The following NIPAL3 variants were observed in gnomAD, a reference collection of about 807,000 sequenced individuals.
The protein encoded by NIPAL3 is NIPA like domain containing 3.
NIPAL3 carries 41 observed loss-of-function variants against 47.2 expected under a neutral mutation model. That is an observed-to-expected ratio of 0.87 (90% CI 0.68 to 1.13). The LOEUF (loss-of-function observed/expected upper bound fraction) is 1.13. Ranked by LOEUF, NIPAL3 falls within the 50% of genes most tolerant of loss-of-function variation. NIPAL3 has a pLI of 0.00. For synonymous variants in NIPAL3, 194 were observed against 209.6 expected, an observed-to-expected ratio of 0.93 and a Z score of 0.64; for missense variants, 449 against 530.1, an observed-to-expected ratio of 0.85 and a Z score of 1.50.
chr1:24,459,985 C>T (rs1646395629), intron 9 of NIPAL3, among the ~76,000 whole-genome samples: 1 of 152,196 alleles, frequency 6.6e-6, no homozygotes, highest in Admixed American at 6.5e-5. Context: ...GGAGTAGACC[C>T]ACAGACTTGG....
intron 5 of NIPAL3, 82 bp downstream of exon 5, chr1:24,445,326 G>A (rs1052492424): frequency 2.1e-6 from 2 of 954,852 alleles, no homozygotes; most frequent in Non-Finnish European, 3.4e-6. Flanking sequence ...CTCTAATTCA[G>A]AGGTTATCTG....
intron 7 of NIPAL3, among the ~76,000 whole-genome samples, chr1:24,455,293 C>T (rs1399483202): frequency 6.6e-6 from 1 of 152,146 alleles, no homozygotes; most frequent in Non-Finnish European, 1.5e-5. Flanking sequence ...GCAAGGGTCT[C>T]CACAGGGAGG....
At chr1:24,428,897 G>A (rs866083366) in intron 2 of NIPAL3, among the ~76,000 whole-genome samples, 1 of 152,110 alleles carries the variant, frequency 6.6e-6, no homozygotes, top group Non-Finnish European at 1.5e-5. Context: ...TGTCTCTGTG[G>A]CCACAGTGGC....
Position 24,416,177 on chromosome 1 carries a change from C to T in NIPAL3, c.-258+273C>T. The T allele has an allele frequency of 1.0e-6, 1 of 985,684 alleles. No homozygotes were observed. Among genetic ancestry groups the T allele is most frequent in the Non-Finnish European group, 1.2e-6 (1 of 830,126 alleles). 61.1% of individuals were successfully genotyped at this position (985,684 alleles called of 1,614,324 possible). On this transcript the variant is annotated intron_variant, in intron 1 of 11. Coordinates refer to ENST00000374399, the MANE Select transcript of NIPAL3 (RefSeq NM_020448.5). The surrounding 1 kb of genome is among the most constrained non-coding windows in gnomAD (Gnocchi z 4.8). ...GGAGTTAACTTTGCCAGAATTTCTCCTCTTCGTGCCGAGCGGCTCGGGCTT... is the reference window on the plus strand; with the variant it reads ...GGAGTTAACTTTGCCAGAATTTCTCTTCTTCGTGCCGAGCGGCTCGGGCTT...
chr1:24,445,979 A>G (rs1003414761), intron 5 of NIPAL3, among the ~76,000 whole-genome samples: 1 of 152,138 alleles, frequency 6.6e-6, no homozygotes, highest in Admixed American at 6.5e-5. Context: ...AGCGTTTCCC[A>G]CAAAACACCT....
At chr1:24,428,263 AGAGAGAGAG>A (rs1317272454) in intron 2 of NIPAL3, among the ~76,000 whole-genome samples, 1 of 55,726 alleles carries the variant, frequency 1.8e-5, no homozygotes, top group East Asian at 4.4e-4. Context: ...AAAGAAAGAG[AGAGAGAGAG>A]AGAGAGAGAG....
intron 2 of NIPAL3, among the ~76,000 whole-genome samples, chr1:24,433,837 G>A (rs1007591402): frequency 6.6e-6 from 1 of 152,052 alleles, no homozygotes; most frequent in Non-Finnish European, 1.5e-5. Flanking sequence ...AACTATATAG[G>A]AGCAAAGTTT....
chr1:24,445,159 C>T (rs959794007), intron 4 of NIPAL3, 26 bp from the exon 5 acceptor site: 3 of 1,580,824 alleles, frequency 1.9e-6, no homozygotes, highest in Non-Finnish European at 2.6e-6. Context: ...GCCTCAATTC[C>T]CTTTTCTTTG....
At chr1:24,467,322 T>G (rs1197821171) in intron 11 of NIPAL3, among the ~76,000 whole-genome samples, 1 of 148,324 alleles carries the variant, frequency 6.7e-6, no homozygotes, top group African/African-American at 2.5e-5. Flanking sequence ...AAAAAAAAAT[T>G]AGCTGTGCGT....
chr1:24,419,654 T>G lies in NIPAL3; in HGVS notation c.93+14T>G, dbSNP rs779010032. 6.2e-6 allele frequency: 10 copies of G among 1,610,996 alleles called. No individual in the cohort carries two copies. Among genetic ancestry groups the G allele is most frequent in the Non-Finnish European group, 8.5e-6 (10 of 1,177,972 alleles). On this transcript the variant is annotated intron_variant, in intron 2 of 11. Transcript: ENST00000374399. ...TTCTCCTACAAGGCAAGGGCTTTTTTGGGGTTTGGGAATTTGTATTTTCCT... is the reference window on the plus strand; with the variant it reads ...TTCTCCTACAAGGCAAGGGCTTTTTGGGGGTTTGGGAATTTGTATTTTCCT...
chr1:24,441,216 G>C (rs1305345098), intron 3 of NIPAL3, among the ~76,000 whole-genome samples: 1 of 152,144 alleles, frequency 6.6e-6, no homozygotes, highest in East Asian at 1.9e-4. Context: ...GATCCCTGTG[G>C]GCACACACTT....
At chr1:24,426,381 AC>A (rs1470916943) in intron 2 of NIPAL3, among the ~76,000 whole-genome samples, 18 of 150,526 alleles carry the variant, frequency 1.2e-4, no homozygotes, top group Middle Eastern at 6.9e-3. Flanking sequence ...TGCAACCTCT[AC>A]CTTCTGGGAT....
intron 8 of NIPAL3, 54 bp downstream of exon 8, chr1:24,456,327 T>C (rs1646201611): frequency 4.3e-6 from 7 of 1,611,558 alleles, no homozygotes; most frequent in South Asian, 1.1e-5. Context: ...TGCTTCTCTT[T>C]TGGGGGCCTG....
chr1:24,438,136 G>A (rs1422705807), intron 2 of NIPAL3, among the ~76,000 whole-genome samples: 2 of 152,194 alleles, frequency 1.3e-5, no homozygotes, highest in African/African-American at 2.4e-5. Flanking sequence ...TGGGAACTCA[G>A]CTGGGGAAAC....
chr1:24,416,313 T>G lies in NIPAL3; in HGVS notation c.-258+409T>G. ...TCTCCTCGAGTTGTAAGTTTCCAGC[T>G]CAGTGGGACGGGACGGAAGAATGTA... is the stretch of plus-strand genomic sequence containing the variant. On this transcript the variant is annotated intron_variant, in intron 1 of 11. Coordinates refer to ENST00000374399, the MANE Select transcript of NIPAL3 (RefSeq NM_020448.5). The surrounding 1 kb of genome is among the most constrained non-coding windows in gnomAD (Gnocchi z 4.8). The G allele has an allele frequency of 1.0e-6, 1 of 985,316 alleles. No individual in the cohort carries two copies. Among genetic ancestry groups the G allele is most frequent in the Non-Finnish European group, 1.2e-6 (1 of 829,932 alleles). 61.0% of individuals were successfully genotyped at this position (985,316 alleles called of 1,614,324 possible).
chr1:24,464,126 G>A lies in NIPAL3; in HGVS notation c.1021+6G>A, dbSNP rs1392551846. 6.2e-7 allele frequency: 1 copy of A among 1,611,046 alleles called. No homozygotes were observed. Among genetic ancestry groups the A allele is most frequent in the Non-Finnish European group, 8.5e-7 (1 of 1,177,694 alleles). ...TTCCATGGATGCCATGCCAGGTAAG[G>A]TTAAAGCCCCGTGGGTCTAGCTGAA... On this transcript the variant is annotated splice_donor_region_variant and intron_variant, in intron 11 of 11. Coordinates refer to ENST00000374399, the MANE Select transcript of NIPAL3 (RefSeq NM_020448.5).
chr1:24,423,778 G>A (rs1024430760), intron 2 of NIPAL3, among the ~76,000 whole-genome samples: 6 of 152,152 alleles, frequency 3.9e-5, no homozygotes, highest in African/African-American at 9.7e-5. Context: ...GCAAGATGGC[G>A]AACAGTTTAG....
chr1:24,463,903 G>A (rs779319741), intron 10 of NIPAL3, 123 bp from the exon 11 acceptor site: 55 of 680,736 alleles, frequency 8.1e-5, no homozygotes, highest in African/African-American at 3.5e-4. Context: ...CTCCTTGGGC[G>A]GTGAGCCCTC....
intron 5 of NIPAL3, among the ~76,000 whole-genome samples, chr1:24,446,626 G>GTAT (rs1210178599): frequency 6.6e-6 from 1 of 152,168 alleles, no homozygotes; most frequent in Non-Finnish European, 1.5e-5. Flanking sequence ...TGGCTGCATA[G>GTAT]TATTCCATGG....
Sources: allele counts gnomAD v4.1 joint callset (sites outside exome capture counted in the v4.1 genomes callset), GRCh38; gene constraint gnomAD v4.1.1; non-coding constraint Gnocchi (gnomAD v3.1); transcripts MANE v1.5; gene names NCBI Gene and HGNC (gene_info 2026-07-23, HGNC 2026-07-21).